FBN2: variants seen among roughly 807,000 people sequenced by gnomAD.
The protein encoded by FBN2 is fibrillin 2.
FBN2 carries 105 observed loss-of-function variants against 355.6 expected under a neutral mutation model. The ratio of observed to expected loss-of-function variants is 0.30; its 90% confidence interval spans 0.25 to 0.35. FBN2 has a LOEUF of 0.35. FBN2 is among the 10% of genes least tolerant of loss of function. FBN2 has a pLI of 1.00. For missense variants in FBN2, 3,280 were observed against 3,758.7 expected, an observed-to-expected ratio of 0.87 and a Z score of 3.33; for synonymous variants, 1,350 against 1,301.2, an observed-to-expected ratio of 1.04 and a Z score of -0.81.
intron 54 of FBN2, 65 bp downstream of exon 54, chr5:128,287,243 A>G (rs751253725): frequency 4.2e-5 from 66 of 1,571,156 alleles, no homozygotes; most frequent in Non-Finnish European, 5.8e-5. Context: ...GAACTATAAA[A>G]TCATTAAGAT....
chr5:128,475,342 TAA>T (rs1421279663), intron 5 of FBN2, among the ~76,000 whole-genome samples: 1 of 152,098 alleles, frequency 6.6e-6, no homozygotes, highest in Admixed American at 6.6e-5. Context: ...AGACAAAAAT[TAA>T]AAGACTAAAG....
At chr5:128,263,018 C>T (rs1462099016) in intron 63 of FBN2, among the ~76,000 whole-genome samples, 1 of 152,194 alleles carries the variant, frequency 6.6e-6, no homozygotes, top group Non-Finnish European at 1.5e-5. Flanking sequence ...TCAGTGATCA[C>T]TATGCTAGCA....
intron 7 of FBN2, among the ~76,000 whole-genome samples, chr5:128,420,388 G>C (rs1353634039): frequency 6.6e-6 from 1 of 152,082 alleles, no homozygotes; most frequent in Non-Finnish European, 1.5e-5. Flanking sequence ...TTTGGGAAGG[G>C]GGGCAAATGT....
intron 5 of FBN2, among the ~76,000 whole-genome samples, chr5:128,517,902 AG>A (rs1756323061): frequency 6.6e-6 from 1 of 152,218 alleles, no homozygotes; most frequent in Non-Finnish European, 1.5e-5. Context: ...AAATGCACTG[AG>A]GATGTAAATA....
At chr5:128,520,605 A>G (rs1428290359) in intron 4 of FBN2, among the ~76,000 whole-genome samples, 1 of 152,146 alleles carries the variant, frequency 6.6e-6, no homozygotes, top group Non-Finnish European at 1.5e-5. Context: ...GTTGAACCGG[A>G]TAGATTGCCT....
At position 128,334,746 on chromosome 5, in the gene FBN2, C is replaced by A; in HGVS notation, c.4072G>T (p.Val1358Leu). 1 of 1,614,186 alleles carries A rather than the reference C, an allele frequency of 6.2e-7. No homozygotes were observed. Among genetic ancestry groups the A allele is most frequent in the Non-Finnish European group, 8.5e-7 (1 of 1,179,990 alleles). Reference sequence around the variant, plus strand: ...GTACATCCTGTGGTCCCCTTCTTCACTGAGTAACCCAGCTGACAGTGGCAA... The same window carrying A: ...GTACATCCTGTGGTCCCCTTCTTCAATGAGTAACCCAGCTGACAGTGGCAA... ...FICHCQLGYS[V>L]KKGTTGCTDV... is the part of the protein sequence containing the mutation. Residue 1358 changes from valine (V) to leucine (L), a missense_variant, in exon 31 of 65, where the codon GTG (valine) becomes TTG (leucine). Val to Leu is a conservative substitution (Grantham distance 32). Around this residue, in one of 6 missense-constraint regions of FBN2, gnomAD observed 2,284 missense variants for 2,749.5 expected, o/e 0.83. Transcript: ENST00000262464.
Position 128,277,888 on chromosome 5 carries a change from G to T in FBN2, c.7463C>A (p.Ser2488Tyr). The T allele has an allele frequency of 6.2e-7, 1 of 1,614,108 alleles. No individual in the cohort carries two copies. Among genetic ancestry groups the T allele is most frequent in the Non-Finnish European group, 8.5e-7 (1 of 1,179,998 alleles). ...VGYTTDISGT[S>Y]CIDLDECSQS... ...GAGGTGCCCATCGTTACCTATACAAGAGGTTCCACTGATGTCTGTGGTGTA... is the reference window on the plus strand; with the variant it reads ...GAGGTGCCCATCGTTACCTATACAATAGGTTCCACTGATGTCTGTGGTGTA... Residue 2488 changes from serine to tyrosine, a missense_variant, in exon 58 of 65, where the codon TCT becomes TAT. Around this residue, in one of 6 missense-constraint regions of FBN2, gnomAD observed 2,284 missense variants for 2,749.5 expected, o/e 0.83. Transcript: ENST00000262464.
chr5:128,434,394 G>GTGTATATATATATATA (rs377404948), intron 7 of FBN2, among the ~76,000 whole-genome samples: 1 of 91,676 alleles, frequency 1.1e-5, no homozygotes, highest in African/African-American at 6.0e-5. Flanking sequence ...AATAAAGTGT[G>GTGTATATATATATATA]TATATATATA....
At chr5:128,477,426 C>T (rs145519512) in intron 5 of FBN2, among the ~76,000 whole-genome samples, 1 of 152,186 alleles carries the variant, frequency 6.6e-6, no homozygotes, top group African/African-American at 2.4e-5. Context: ...AATTCAAAGG[C>T]ATCCTGGAAT....
intron 11 of FBN2, among the ~76,000 whole-genome samples, chr5:128,387,785 T>A (rs1752407243): frequency 6.6e-6 from 1 of 152,154 alleles, no homozygotes; most frequent in Non-Finnish European, 1.5e-5. Flanking sequence ...CTAGAGTATG[T>A]GCTATGTTAC....
intron 6 of FBN2, among the ~76,000 whole-genome samples, chr5:128,456,017 A>ACAAAC (rs1210536970): frequency 1.2e-4 from 18 of 148,104 alleles, no homozygotes; most frequent in Non-Finnish European, 2.7e-4. Flanking sequence ...AAAAAAAAAA[A>ACAAAC]AAAAAAGCAA....
At chr5:128,263,318 T>G in intron 63 of FBN2, 107 bp downstream of exon 63, 1 of 827,782 alleles carries the variant, frequency 1.2e-6, no homozygotes. Context: ...TCAATGCTTT[T>G]GCGGTTTGGC....
chr5:128,269,279 A>AATG (rs1157499066), intron 62 of FBN2, among the ~76,000 whole-genome samples: 7 of 143,864 alleles, frequency 4.9e-5, no homozygotes, highest in Non-Finnish European at 1.0e-4. Flanking sequence ...TAATAATAAT[A>AATG]ATAGTAATAA....
At chr5:128,450,878 A>T (rs1561463450) in intron 6 of FBN2, among the ~76,000 whole-genome samples, 1 of 152,156 alleles carries the variant, frequency 6.6e-6, no homozygotes, top group South Asian at 2.1e-4. Flanking sequence ...ATACTTAATT[A>T]CAAAATAACA....
chr5:128,442,435 AC>A, intron 7 of FBN2: 2 of 450,854 alleles, frequency 4.4e-6, no homozygotes. Context: ...CTTTTAGTGT[AC>A]CATTTCATAT....
intron 4 of FBN2, among the ~76,000 whole-genome samples, chr5:128,520,469 T>C (rs1756401949): frequency 6.6e-6 from 1 of 152,140 alleles, no homozygotes; most frequent in Non-Finnish European, 1.5e-5. Flanking sequence ...AGGACACTAA[T>C]TACTCAAATT....
chr5:128,471,152 C>G (rs569554488), intron 5 of FBN2, among the ~76,000 whole-genome samples: 41 of 152,090 alleles, frequency 2.7e-4, no homozygotes, highest in African/African-American at 9.4e-4. Context: ...ATAAAGAATT[C>G]TGCAATATGT....
chr5:128,402,428 G>A (rs1227819231), intron 8 of FBN2, among the ~76,000 whole-genome samples: 1 of 151,684 alleles, frequency 6.6e-6, no homozygotes, highest in Non-Finnish European at 1.5e-5. Flanking sequence ...CAGTCACACC[G>A]AGAAACAGGA....
chr5:128,536,191 C>G (rs1402687033), intron 2 of FBN2, among the ~76,000 whole-genome samples: 3 of 152,178 alleles, frequency 2.0e-5, no homozygotes, highest in Admixed American at 2.0e-4. Context: ...ATCATTATTG[C>G]CCTTCAACAG....
Sources: allele counts gnomAD v4.1 joint callset (sites outside exome capture counted in the v4.1 genomes callset), GRCh38; gene constraint gnomAD v4.1.1; regional missense constraint gnomAD v4.1.1; transcripts MANE v1.5; gene names NCBI Gene and HGNC (gene_info 2026-07-23, HGNC 2026-07-21).